The following PTPRT variants were observed in gnomAD, a reference collection of about 807,000 sequenced individuals.
PTPRT encodes the protein protein tyrosine phosphatase receptor type T, also known as receptor-type tyrosine-protein phosphatase T.
Under a neutral mutation model 176.8 loss-of-function variants are expected in PTPRT, and 56 were observed. That is an observed-to-expected ratio of 0.32 (90% CI 0.26 to 0.40). PTPRT has a LOEUF of 0.40. Among genes scored for constraint, PTPRT ranks in the 10% least tolerant of loss-of-function variants. The pLI, the probability that PTPRT is intolerant of heterozygous loss-of-function variation, is 1.00. For missense variants in PTPRT, 1,540 were observed against 1,908.2 expected, an observed-to-expected ratio of 0.81 and a Z score of 3.60; for synonymous variants, 783 against 739.0, an observed-to-expected ratio of 1.06 and a Z score of -0.96.
chr20:42,807,270 G>A (rs530181318), intron 2 of PTPRT, among the ~76,000 whole-genome samples: 8 of 152,206 alleles, frequency 5.3e-5, no homozygotes, highest in Non-Finnish European at 8.8e-5. Context: ...CTGTTTTTCC[G>A]ACCATTCCTA....
intron 3 of PTPRT, 51 bp from the exon 4 acceptor site, chr20:42,780,350 C>A: frequency 6.9e-7 from 1 of 1,448,174 alleles, no homozygotes; most frequent in South Asian, 1.1e-5. Context: ...TGCAGGCATT[C>A]ATCACAAGAA....
intron 12 of PTPRT, among the ~76,000 whole-genome samples, chr20:42,300,244 C>A (rs931217487): frequency 1.6e-4 from 10 of 62,776 alleles, no homozygotes; most frequent in African/African-American, 3.2e-4. Flanking sequence ...GGCAAAAGAG[C>A]AAAACTCCGT....
chr20:42,269,194 A>G (rs893852631), intron 13 of PTPRT, among the ~76,000 whole-genome samples: 1 of 152,218 alleles, frequency 6.6e-6, no homozygotes, highest in African/African-American at 2.4e-5. Context: ...TCTGCAATGA[A>G]TAATTTGCAC....
At chr20:42,886,415 C>T (rs941345216) in intron 1 of PTPRT, among the ~76,000 whole-genome samples, 6 of 152,064 alleles carry the variant, frequency 3.9e-5, no homozygotes, top group Non-Finnish European at 7.4e-5. Flanking sequence ...ACCTATGATA[C>T]GGAGGGAAAT....
At chr20:42,081,350 T>C (rs746413) in intron 30 of PTPRT, among the ~76,000 whole-genome samples, 71,902 of 152,000 alleles carry the variant, frequency 0.47, 17,615 homozygotes, top group African/African-American at 0.61. Context: ...TATGGCCTCA[T>C]TTTGACTAAG....
intron 7 of PTPRT, among the ~76,000 whole-genome samples, chr20:42,605,271 G>A (rs1214852255): frequency 6.6e-6 from 1 of 152,172 alleles, no homozygotes; most frequent in Non-Finnish European, 1.5e-5. Context: ...CTGACCCCAG[G>A]ACACAGCCTG....
At chr20:42,592,863 G>A (rs2073604724) in intron 7 of PTPRT, among the ~76,000 whole-genome samples, 1 of 152,198 alleles carries the variant, frequency 6.6e-6, no homozygotes, top group African/African-American at 2.4e-5. Flanking sequence ...TAGCTGACAG[G>A]AGAGGCAGCT....
At chr20:42,271,588 G>A (rs2056936432) in intron 13 of PTPRT, among the ~76,000 whole-genome samples, 1 of 152,224 alleles carries the variant, frequency 6.6e-6, no homozygotes, top group African/African-American at 2.4e-5. Context: ...GGTACTCAGT[G>A]AATATTTGTT....
intron 1 of PTPRT, among the ~76,000 whole-genome samples, chr20:43,034,867 T>A (rs1318269971): frequency 6.6e-6 from 1 of 150,452 alleles, no homozygotes; most frequent in Non-Finnish European, 1.5e-5. Flanking sequence ...GAGAGGGGGG[T>A]CCCTGTCTGT....
intron 9 of PTPRT, among the ~76,000 whole-genome samples, chr20:42,357,297 C>G (rs1305700161): frequency 1.3e-5 from 2 of 152,220 alleles, no homozygotes; most frequent in African/African-American, 4.8e-5. Context: ...ACAGCCCACG[C>G]TGCCTAAAAT....
chr20:42,229,382 A>C (rs900623794), intron 15 of PTPRT, among the ~76,000 whole-genome samples: 3 of 152,198 alleles, frequency 2.0e-5, no homozygotes, highest in Non-Finnish European at 2.9e-5. Flanking sequence ...GCTGTTGATA[A>C]TTTGATATTT....
At chr20:42,658,091 T>A (rs1392085409) in intron 7 of PTPRT, among the ~76,000 whole-genome samples, 2 of 152,190 alleles carry the variant, frequency 1.3e-5, no homozygotes, top group African/African-American at 4.8e-5. Context: ...TTGGAAGTAA[T>A]GTTCTCTAAA....
intron 5 of PTPRT, among the ~76,000 whole-genome samples, chr20:42,766,990 T>C (rs2076991670): frequency 1.3e-5 from 2 of 152,132 alleles, no homozygotes; most frequent in Non-Finnish European, 2.9e-5. Context: ...CCTTATTATA[T>C]GAGGCAGAAC....
In PTPRT at chr20:42,818,392, G is replaced by A. The variant is rs544287847; in HGVS notation, c.215-26926C>T. On this transcript the variant is annotated intron_variant, in intron 2 of 30. Coordinates refer to ENST00000373187, the MANE Select transcript of PTPRT (RefSeq NM_007050.6). ...AAAAAAACCCATTCAAGGGTCAGCAGCCTCAAAAACGAAAACTAAACAAAC... is the reference window on the plus strand; with the variant it reads ...AAAAAAACCCATTCAAGGGTCAGCAACCTCAAAAACGAAAACTAAACAAAC... Among the ~76,000 whole-genome samples the A allele has an allele frequency of 4.3e-4, 66 of 151,870 alleles. 1 individual carries two copies. The highest frequency in any genetic ancestry group is 1.5e-3 in the African/African-American group (64 of 41,432).
At position 42,436,875 on chromosome 20, in the gene PTPRT, C is replaced by T. The variant is rs924051454; in HGVS notation, c.1560+11345G>A. Among the ~76,000 whole-genome samples the T allele has an allele frequency of 3.3e-5, 5 of 152,184 alleles. No individual in the cohort carries two copies. In the South Asian group the frequency reaches 6.2e-4, roughly 19 times the overall value. On this transcript the variant is annotated intron_variant, in intron 9 of 30. Coordinates refer to ENST00000373187, the MANE Select transcript of PTPRT (RefSeq NM_007050.6). ...TGAATGGACTACAGCTGCACTCATC[C>T]GTGGGGATGAACATTTGCAATACAA... is the stretch of plus-strand genomic sequence containing the variant.
At chr20:42,338,343 G>T (rs939365757) in intron 11 of PTPRT, among the ~76,000 whole-genome samples, 1 of 152,182 alleles carries the variant, frequency 6.6e-6, no homozygotes. Context: ...CAGTTGCAGA[G>T]GAGCCATTTG....
chr20:42,465,490 G>T (rs2071088385), intron 8 of PTPRT, among the ~76,000 whole-genome samples: 1 of 152,084 alleles, frequency 6.6e-6, no homozygotes, highest in African/African-American at 2.4e-5. Context: ...AAAATAAAGA[G>T]CAAATTCTGT....
chr20:42,153,178 G>A (rs1036232111), intron 17 of PTPRT, among the ~76,000 whole-genome samples: 2 of 152,198 alleles, frequency 1.3e-5, no homozygotes, highest in Non-Finnish European at 2.9e-5. Flanking sequence ...GCAAGACCAC[G>A]AGCTTTCTTT....
chr20:42,346,646 G>A (rs1318249177), intron 11 of PTPRT, among the ~76,000 whole-genome samples: 18 of 152,078 alleles, frequency 1.2e-4, no homozygotes, highest in Admixed American at 1.1e-3. Flanking sequence ...GTCACATCTC[G>A]CCCCCCTGCA....
Sources: gnomAD v4.1 joint callset for allele counts (sites outside exome capture counted in the v4.1 genomes callset) on GRCh38, gnomAD v4.1.1 for gene constraint, MANE v1.5 for transcripts, NCBI Gene and HGNC (gene_info 2026-07-23, HGNC 2026-07-21) for gene names.